The following TNIK variants were observed in gnomAD, a reference collection of about 807,000 sequenced individuals.
The protein encoded by TNIK is TRAF2 and NCK-interacting protein kinase.
In TNIK, 49 loss-of-function variants were observed where a neutral mutation model predicts 191.3. The ratio of observed to expected loss-of-function variants is 0.26; its 90% CI spans 0.20 to 0.32. The LOEUF is 0.32. Among genes scored for constraint, TNIK ranks in the 10% least tolerant of loss-of-function variants. TNIK has a pLI of 1.00. For synonymous variants in TNIK, 594 were observed against 600.9 expected (o/e 0.99, Z 0.17); for missense variants, 1,155 against 1,702.3 (o/e 0.68, Z 5.66).
At chr3:171,445,520 A>G (rs1281282076) in intron 1 of TNIK, among the ~76,000 whole-genome samples, 2 of 152,142 alleles carry the variant, frequency 1.3e-5, no homozygotes, top group Non-Finnish European at 2.9e-5. Flanking sequence ...TTAGGGAGTT[A>G]AACTGTCAAC....
chr3:171,425,143 G>A (rs983529778), intron 1 of TNIK, among the ~76,000 whole-genome samples: 2 of 152,090 alleles, frequency 1.3e-5, no homozygotes, highest in African/African-American at 2.4e-5. Context: ...ATTAATTTGC[G>A]TGTTTTGGAG....
intron 2 of TNIK, among the ~76,000 whole-genome samples, chr3:171,235,772 G>A (rs992189339): frequency 3.3e-5 from 5 of 151,648 alleles, no homozygotes; most frequent in African/African-American, 7.3e-5. Context: ...TTTTGGTGGG[G>A]GGGGGGTTTA....
At chr3:171,451,486 T>C (rs1420913765) in intron 1 of TNIK, among the ~76,000 whole-genome samples, 3 of 152,116 alleles carry the variant, frequency 2.0e-5, no homozygotes, top group Non-Finnish European at 2.9e-5. Context: ...ACAGAAACTG[T>C]GAGATATAAT....
At chr3:171,360,768 A>G (rs1244508609) in intron 2 of TNIK, among the ~76,000 whole-genome samples, 17 of 151,976 alleles carry the variant, frequency 1.1e-4, no homozygotes, top group Admixed American at 1.1e-3. Context: ...ATCTTTTAAG[A>G]CTCCACTCAA....
chr3:171,369,873 G>C (rs774059308), intron 1 of TNIK, among the ~76,000 whole-genome samples, 188 bp from the exon 2 acceptor site: 12 of 152,102 alleles, frequency 7.9e-5, no homozygotes, highest in Non-Finnish European at 1.8e-4. Context: ...AATTAGCCAA[G>C]TTCTATTTTC....
chr3:171,217,517 G>T (rs1367009476), intron 3 of TNIK, among the ~76,000 whole-genome samples: 1 of 151,780 alleles, frequency 6.6e-6, no homozygotes, highest in Non-Finnish European at 1.5e-5. Context: ...CATCAAACCT[G>T]CACATGTACC....
intron 1 of TNIK, among the ~76,000 whole-genome samples, chr3:171,397,029 C>T (rs751966907): frequency 7.2e-5 from 11 of 152,042 alleles, no homozygotes; most frequent in African/African-American, 9.7e-5. Context: ...GTCTGAATTG[C>T]CAGAAATACA....
chr3:171,165,809 C>T (rs564259099), intron 10 of TNIK, among the ~76,000 whole-genome samples: 1 of 152,278 alleles, frequency 6.6e-6, no homozygotes, highest in African/African-American at 2.4e-5. Context: ...CTCACACTGC[C>T]TTTCACTGCT....
At chr3:171,242,244 G>A (rs146765036) in intron 2 of TNIK, among the ~76,000 whole-genome samples, 83 of 151,812 alleles carry the variant, frequency 5.5e-4, no homozygotes, top group African/African-American at 2.7e-4. Context: ...ATGGAAAGAC[G>A]GAAAATTTGC....
intron 12 of TNIK, among the ~76,000 whole-genome samples, chr3:171,154,470 C>T (rs555307678): frequency 5.3e-5 from 8 of 152,148 alleles, no homozygotes; most frequent in Non-Finnish European, 8.8e-5. Flanking sequence ...CTGTGACTTA[C>T]AGGCACGCTC....
Position 171,272,454 on chromosome 3 carries a change from G to A in TNIK, c.124-44233C>T, listed in dbSNP as rs942274573. On this transcript the variant is annotated intron_variant, in intron 2 of 32. Transcript: ENST00000436636. ...GCACCGTACACATCGAGACAGTTGG[G>A]GAGCCATGAAGGAAAATCCCTGAAG... 3.4e-4 allele frequency among the ~76,000 whole-genome samples: 51 copies of A among 152,204 alleles called. 2 individuals carry two copies. The highest frequency in any genetic ancestry group is 3.1e-3 in the Admixed American group (47 of 15,284).
At chr3:171,208,367 T>G (rs570676325) in intron 4 of TNIK, among the ~76,000 whole-genome samples, 29 of 151,880 alleles carry the variant, frequency 1.9e-4, no homozygotes, top group Middle Eastern at 3.2e-3. Context: ...AAAAAGCAGA[T>G]GTAAAAAAGA....
intron 2 of TNIK, among the ~76,000 whole-genome samples, chr3:171,251,324 T>C (rs1292794760): frequency 6.6e-6 from 1 of 152,224 alleles, no homozygotes; most frequent in African/African-American, 2.4e-5. Context: ...CTCTGGTGTG[T>C]TCTAAAATGA....
chr3:171,313,227 T>C (rs1176014092), intron 2 of TNIK, among the ~76,000 whole-genome samples: 1 of 150,668 alleles, frequency 6.6e-6, no homozygotes, highest in Non-Finnish European at 1.5e-5. Flanking sequence ...TGATACTCTC[T>C]ACCAACATTT....
intron 1 of TNIK, among the ~76,000 whole-genome samples, chr3:171,418,462 T>C (rs984031808): frequency 4.6e-5 from 7 of 152,348 alleles, no homozygotes; most frequent in East Asian, 1.9e-4. Flanking sequence ...AACTGATGAA[T>C]AGATAAACAA....
Position 171,126,253 on chromosome 3 carries a change from CA to C in TNIK, c.1774-103del, listed in dbSNP as rs1160561402. The C allele has an allele frequency of 2.9e-6, 4 of 1,374,398 alleles. No homozygotes were observed. In the South Asian group the frequency reaches 5.0e-5, roughly 17 times the overall value. The allele number at this position is 1,374,398 out of a possible 1,614,324, so 85.1% of individuals were successfully genotyped here. ...AAAAAAAAAAAAAAGTTCAAGGGCA[CA>C]AAAATTGGACTATAGAGAGTCTATC... On this transcript the variant is annotated intron_variant, in intron 16 of 32. Coordinates refer to ENST00000436636, the MANE Select transcript of TNIK (RefSeq NM_015028.4).
chr3:171,264,335 TAC>T (rs145643748), intron 2 of TNIK, among the ~76,000 whole-genome samples: 13 of 148,036 alleles, frequency 8.8e-5, no homozygotes, highest in Admixed American at 1.3e-4. Context: ...ACACGTATAA[TAC>T]ACACACACAC....
intron 10 of TNIK, among the ~76,000 whole-genome samples, chr3:171,165,616 A>G (rs1183341134): frequency 6.6e-6 from 1 of 152,194 alleles, no homozygotes; most frequent in African/African-American, 2.4e-5. Flanking sequence ...AATAACAGAA[A>G]GGCAGCCTCT....
chr3:171,263,192 GC>G (rs1747869301), intron 2 of TNIK, among the ~76,000 whole-genome samples: 1 of 152,100 alleles, frequency 6.6e-6, no homozygotes, highest in African/African-American at 2.4e-5. Context: ...TCTCACCAAG[GC>G]ACCTTTTAGT....
Sources: gnomAD v4.1 joint callset for allele counts (sites outside exome capture counted in the v4.1 genomes callset) on GRCh38, gnomAD v4.1.1 for gene constraint, MANE v1.5 for transcripts, NCBI Gene and HGNC (gene_info 2026-07-23, HGNC 2026-07-21) for gene names.